CYP3A43: variants seen among roughly 807,000 people sequenced by gnomAD.
CYP3A43 encodes cytochrome P450 3A43.
A neutral mutation model predicts 58.0 loss-of-function variants in CYP3A43; 45 were observed. That is an observed-to-expected ratio of 0.78 (90% confidence interval 0.61 to 0.99). The LOEUF (loss-of-function observed/expected upper bound fraction) is 0.99. Among genes scored for constraint, CYP3A43 ranks in the 50% least tolerant of loss-of-function variants. The pLI is 0.00. For synonymous variants in CYP3A43, 191 were observed against 201.4 expected, an observed-to-expected ratio of 0.95 and a Z score of 0.44; for missense variants, 593 against 591.9, an observed-to-expected ratio of 1.00 and a Z score of -0.02.
In CYP3A43 at chr7:99,864,449, A is replaced by G. The variant is rs45492594; in HGVS notation, c.1416+750A>G. Among the ~76,000 whole-genome samples the G allele has an allele frequency of 2.7e-5, 4 of 148,492 alleles. 1 individual carries two copies. The highest frequency in any genetic ancestry group is 1.1e-4 in the African/African-American group (4 of 37,954). The stretch of plus-strand genomic sequence containing the variant: ...ATTATGTTCCTATCCCACAAGTCCT[A>G]CATCAATTCCCCAAGCCACTCTAAG... On this transcript the variant is annotated intron_variant, in intron 12 of 12. Coordinates refer to ENST00000354829, the MANE Select transcript of CYP3A43 (RefSeq NM_057095.3).
chr7:99,849,005 A>G (rs376556444), intron 6 of CYP3A43, among the ~76,000 whole-genome samples: 27 of 152,300 alleles, frequency 1.8e-4, no homozygotes, highest in African/African-American at 5.5e-4. Context: ...CTCAGATCCC[A>G]GGAGTTGGGG....
In CYP3A43 at chr7:99,865,912, C is replaced by G; in HGVS notation, c.1423C>G (p.Leu475Val). 1 of 1,559,524 alleles carries G rather than the reference C, an allele frequency of 6.4e-7. No homozygotes were observed. The change falls in exon 13 of 13, where the codon CTG (leucine) becomes GTG (valine). Residue 475 changes from leucine (L) to valine (V), a missense_variant. Leu to Val is a conservative substitution (Grantham distance 32). Coordinates refer to ENST00000354829, the MANE Select transcript of CYP3A43 (RefSeq NM_057095.3). ...TCTTGTTTAACTTTTGCAGATCCCA[C>G]TGAAATTAGACAATCTACCAATTCT... ...FKPCKETQIP[L>V]KLDNLPILQP...
chr7:99,837,077 G>A (rs1422519582), intron 2 of CYP3A43, among the ~76,000 whole-genome samples: 6 of 151,120 alleles, frequency 4.0e-5, no homozygotes, highest in Non-Finnish European at 5.9e-5. Flanking sequence ...AGGCCGAGAC[G>A]GGCGGATCAC....
At chr7:99,828,710 AC>A (rs1293452112) in intron 1 of CYP3A43, among the ~76,000 whole-genome samples, 1 of 152,174 alleles carries the variant, frequency 6.6e-6, no homozygotes, top group African/African-American at 2.4e-5. Context: ...ACTAAAGAAG[AC>A]TGAAAGACTT....
intron 4 of CYP3A43, among the ~76,000 whole-genome samples, chr7:99,844,984 G>A (rs1186755297): frequency 6.6e-6 from 1 of 151,230 alleles, no homozygotes; most frequent in Non-Finnish European, 1.5e-5. Flanking sequence ...CAGCAAAATC[G>A]CTTGAACCCG....
chr7:99,828,186 T>A lies in CYP3A43; in HGVS notation c.71T>A (p.Ile24Asn). The A allele has an allele frequency of 6.2e-7, 1 of 1,607,446 alleles. No homozygotes were observed. Among genetic ancestry groups the A allele is most frequent in the Non-Finnish European group, 8.5e-7 (1 of 1,176,022 alleles). The stretch of plus-strand genomic sequence containing the variant: ...GCTACCAGCCTGGTACTCCTCTATA[T>A]GTGAGTAACTATGCAGGCATGTTTG... ...LVATSLVLLY[I>N]YGTHSHKLFK... Residue 24 changes from isoleucine (I) to asparagine (N), a missense_variant and splice_region_variant, in exon 1 of 13, where the codon ATT (isoleucine) becomes AAT (asparagine). Ile to Asn is a moderately radical substitution (Grantham distance 149). Transcript: ENST00000354829.
At chr7:99,839,437 G>T in intron 3 of CYP3A43, 1 of 645,700 alleles carries the variant, frequency 1.5e-6, no homozygotes, top group Non-Finnish European at 2.9e-6. Context: ...TATGACAAAG[G>T]GAAAATCGAG....
chr7:99,836,122 G>C (rs528651987), intron 1 of CYP3A43, among the ~76,000 whole-genome samples: 143 of 152,298 alleles, frequency 9.4e-4, no homozygotes, highest in African/African-American at 3.4e-3. Context: ...CAGTATATCT[G>C]TCTTTGGTCA....
Position 99,856,797 on chromosome 7 carries a change from A to G in CYP3A43, c.799-36A>G, listed in dbSNP as rs1311658241. 8 of 1,612,504 alleles carry G rather than the reference A, an allele frequency of 5.0e-6. No individual in the cohort carries two copies. In the South Asian group the frequency reaches 6.6e-5, roughly 13 times the overall value. On this transcript the variant is annotated intron_variant, in intron 8 of 12. Coordinates refer to ENST00000354829, the MANE Select transcript of CYP3A43 (RefSeq NM_057095.3). Reference sequence around the variant, plus strand: ...TGATTCACTTCTGACTTCACAAGTGACTTTCTGTCATTAAAATTTCTCTTT... The same window carrying G: ...TGATTCACTTCTGACTTCACAAGTGGCTTTCTGTCATTAAAATTTCTCTTT...
chr7:99,836,581 A>G (rs1396823659), intron 2 of CYP3A43, 35 bp downstream of exon 2: 1 of 1,477,292 alleles, frequency 6.8e-7, no homozygotes, highest in African/African-American at 1.4e-5. Context: ...TTTGCTTCTT[A>G]TCGATGCAAA....
intron 7 of CYP3A43, among the ~76,000 whole-genome samples, chr7:99,852,350 C>T (rs1359776988): frequency 1.3e-5 from 2 of 152,176 alleles, no homozygotes; most frequent in Non-Finnish European, 2.9e-5. Context: ...AGCTAGGATT[C>T]TGATAATACA....
chr7:99,832,356 T>G (rs909134623), intron 1 of CYP3A43, among the ~76,000 whole-genome samples: 1 of 151,642 alleles, frequency 6.6e-6, no homozygotes. Context: ...GTGGGAGGAA[T>G]TGGATCATAG....
At position 99,859,811 on chromosome 7, in the gene CYP3A43, A is replaced by T. The variant is rs531955909; in HGVS notation, c.866-19A>T. 1.2e-6 allele frequency: 2 copies of T among 1,614,024 alleles called. No individual in the cohort carries two copies. Among genetic ancestry groups the T allele is most frequent in the East Asian group, 4.5e-5 (2 of 44,882 alleles). ...CTACACTAACCACTTTTCCTAAAAT[A>T]TATTTCCTCTCCTTTCAGCTCTGTC... is the stretch of plus-strand genomic sequence containing the variant. On this transcript the variant is annotated intron_variant, in intron 9 of 12. Coordinates refer to ENST00000354829, the MANE Select transcript of CYP3A43 (RefSeq NM_057095.3).
intron 11 of CYP3A43, among the ~76,000 whole-genome samples, 197 bp downstream of exon 11, chr7:99,862,036 T>C (rs964842956): frequency 1.3e-5 from 2 of 151,518 alleles, no homozygotes; most frequent in African/African-American, 4.9e-5. Flanking sequence ...AACTATGTAA[T>C]GCCTGTCTTG....
chr7:99,865,601 T>TTAAAATA (rs1818414864), intron 12 of CYP3A43, among the ~76,000 whole-genome samples: 1 of 148,808 alleles, frequency 6.7e-6, no homozygotes, highest in Non-Finnish European at 1.5e-5. Context: ...ATTTGATTTT[T>TTAAAATA]TAAAATATCT....
At chr7:99,853,936 T>TA (rs1194225103) in intron 7 of CYP3A43, among the ~76,000 whole-genome samples, 3 of 152,154 alleles carry the variant, frequency 2.0e-5, no homozygotes, top group Admixed American at 1.3e-4. Flanking sequence ...ATGGTTTTGA[T>TA]ACAGGCATGA....
intron 2 of CYP3A43, among the ~76,000 whole-genome samples, chr7:99,838,042 C>T (rs1299627896): frequency 2.0e-5 from 3 of 152,198 alleles, no homozygotes; most frequent in African/African-American, 7.2e-5. Flanking sequence ...CAGATCGATC[C>T]TTTAGTAAAT....
chr7:99,831,867 T>G (rs778697603), intron 1 of CYP3A43, among the ~76,000 whole-genome samples: 18 of 152,350 alleles, frequency 1.2e-4, no homozygotes, highest in Non-Finnish European at 2.4e-4. Flanking sequence ...AAATTTATTC[T>G]TTAGTCATTG....
chr7:99,848,466 C>A (rs1817622869), intron 6 of CYP3A43, among the ~76,000 whole-genome samples: 1 of 152,132 alleles, frequency 6.6e-6, no homozygotes, highest in South Asian at 2.1e-4. Flanking sequence ...GCACAGGAGC[C>A]AGGAATAACT....
Sources: gnomAD v4.1 joint callset for allele counts (sites outside exome capture counted in the v4.1 genomes callset) on GRCh38, gnomAD v4.1.1 for gene constraint, MANE v1.5 for transcripts, NCBI Gene and HGNC (gene_info 2026-07-23, HGNC 2026-07-21) for gene names.